DCBLD2: variants seen among roughly 807,000 people sequenced by gnomAD.
DCBLD2 encodes discoidin, CUB and LCCL domain-containing protein 2.
DCBLD2 carries 54 observed loss-of-function variants against 86.8 expected under a neutral mutation model. The observed-to-expected ratio is 0.62, with a 90% confidence interval of 0.50 to 0.78. The LOEUF (loss-of-function observed/expected upper bound fraction) is 0.78, where lower values mean the gene tolerates loss of function less well. DCBLD2 is among the 30% of genes least tolerant of loss of function. DCBLD2 has a pLI of 0.00. For synonymous variants in DCBLD2, 354 were observed against 341.3 expected, an observed-to-expected ratio of 1.04 and a Z score of -0.41; for missense variants, 908 against 954.2, an observed-to-expected ratio of 0.95 and a Z score of 0.64.
chr3:98,872,500 C>A (rs1235724740), intron 2 of DCBLD2, among the ~76,000 whole-genome samples: 1 of 152,162 alleles, frequency 6.6e-6, no homozygotes, highest in Non-Finnish European at 1.5e-5. Context: ...AAATAAACCT[C>A]TTTTCTTTAT....
chr3:98,881,675 CACAA>C lies in DCBLD2; in HGVS notation c.294_297del (p.Cys99AsnfsTer6), dbSNP rs779574202. ...CCCATCTTTACACGGATCTCCCATTCACAAACAGTGCTGTTGGGATAGGTCTGTG... is the reference window on the plus strand; with the variant it reads ...CCCATCTTTACACGGATCTCCCATTCACAGTGCTGTTGGGATAGGTCTGTG... On this transcript the variant is annotated frameshift_variant, in exon 2 of 16. Transcript: ENST00000326840. LOFTEE classifies it high-confidence loss of function. The C allele has an allele frequency of 5.6e-6, 9 of 1,613,820 alleles. No homozygotes were observed. The highest frequency in any genetic ancestry group is 7.6e-6 in the Non-Finnish European group (9 of 1,179,880).
At chr3:98,862,789 C>G (rs893600527) in intron 2 of DCBLD2, among the ~76,000 whole-genome samples, 3 of 152,178 alleles carry the variant, frequency 2.0e-5, no homozygotes, top group African/African-American at 7.2e-5. Context: ...AAACTGGAAG[C>G]ATTCCCTTTG....
intron 3 of DCBLD2, among the ~76,000 whole-genome samples, chr3:98,832,468 T>A (rs1576168933): frequency 6.6e-6 from 1 of 152,242 alleles, no homozygotes; most frequent in African/African-American, 2.4e-5. Flanking sequence ...GTGCATATGA[T>A]CCTGTCATTG....
intron 9 of DCBLD2, chr3:98,812,869 CAAAAT>C (rs1941961320): frequency 6.5e-6 from 1 of 153,084 alleles, no homozygotes; most frequent in African/African-American, 2.4e-5. Context: ...TAAAGTAAAA[CAAAAT>C]TGATCATGCC....
intron 3 of DCBLD2, among the ~76,000 whole-genome samples, chr3:98,843,427 C>A (rs1163586951): frequency 6.6e-6 from 1 of 152,102 alleles, no homozygotes; most frequent in Non-Finnish European, 1.5e-5. Flanking sequence ...TATAAAATTA[C>A]TGTACGGTTA....
chr3:98,800,841 T>C, intron 14 of DCBLD2, 125 bp from the exon 15 acceptor site: 2 of 1,370,922 alleles, frequency 1.5e-6, no homozygotes, highest in South Asian at 2.8e-5. Flanking sequence ...CAAACTTGCC[T>C]TTATAATCCA....
At chr3:98,893,295 C>G (rs1943695620) in intron 1 of DCBLD2, among the ~76,000 whole-genome samples, 1 of 151,026 alleles carries the variant, frequency 6.6e-6, no homozygotes, top group African/African-American at 2.4e-5. Flanking sequence ...AGAGTAGTAA[C>G]TGGATGTCAA....
chr3:98,836,885 C>T (rs1942471149), intron 3 of DCBLD2, among the ~76,000 whole-genome samples: 1 of 74,638 alleles, frequency 1.3e-5, no homozygotes, highest in African/African-American at 5.2e-5. Flanking sequence ...ACACCCCCAC[C>T]TCCCTCCCGG....
chr3:98,877,324 C>T (rs1205924708), intron 2 of DCBLD2, among the ~76,000 whole-genome samples: 1 of 152,148 alleles, frequency 6.6e-6, no homozygotes, highest in Non-Finnish European at 1.5e-5. Context: ...AGTATTTAGA[C>T]TCTAAGTCCT....
At chr3:98,881,496 G>A in intron 2 of DCBLD2, 44 bp downstream of exon 2, 1 of 1,469,988 alleles carries the variant, frequency 6.8e-7, no homozygotes, top group East Asian at 2.3e-5. Flanking sequence ...ACATCATTGA[G>A]ACAATGATGT....
At chr3:98,826,236 A>G (rs1942218565) in intron 3 of DCBLD2, among the ~76,000 whole-genome samples, 1 of 152,166 alleles carries the variant, frequency 6.6e-6, no homozygotes, top group Admixed American at 6.5e-5. Flanking sequence ...TAGACAGCAA[A>G]GCCTTCAACA....
intron 2 of DCBLD2, among the ~76,000 whole-genome samples, chr3:98,860,601 G>A (rs376404459): frequency 0.015 from 2,239 of 152,144 alleles, 23 homozygotes; most frequent in Non-Finnish European, 0.023. Context: ...TTTTCAACCC[G>A]GAATTTCATA....
At chr3:98,862,012 T>C (rs575049999) in intron 2 of DCBLD2, among the ~76,000 whole-genome samples, 1 of 151,934 alleles carries the variant, frequency 6.6e-6, no homozygotes, top group African/African-American at 2.4e-5. Context: ...AAGAATCAAA[T>C]AGACGCAATA....
intron 2 of DCBLD2, among the ~76,000 whole-genome samples, chr3:98,877,319 TTAGACTC>T (rs1943389715): frequency 1.3e-5 from 2 of 152,308 alleles, no homozygotes; most frequent in South Asian, 2.1e-4. Context: ...AATGTAGTAT[TTAGACTC>T]TAAGTCCTCA....
intron 14 of DCBLD2, 144 bp downstream of exon 14, chr3:98,801,456 G>C (rs943925981): frequency 3.8e-6 from 2 of 521,570 alleles, no homozygotes; most frequent in African/African-American, 3.8e-5. Flanking sequence ...GGTAAAAATG[G>C]TGAGAACTGA....
intron 1 of DCBLD2, among the ~76,000 whole-genome samples, chr3:98,894,249 C>T (rs1488210433): frequency 2.6e-5 from 4 of 152,116 alleles, no homozygotes; most frequent in East Asian, 3.9e-4. Flanking sequence ...CTCCACAATA[C>T]GTTCCAGCCT....
chr3:98,854,999 G>A (rs947964156), intron 2 of DCBLD2, among the ~76,000 whole-genome samples: 11 of 151,892 alleles, frequency 7.2e-5, no homozygotes, highest in African/African-American at 2.2e-4. Flanking sequence ...ATTAGTAAAC[G>A]CAAACTACAT....
At chr3:98,844,062 A>ACACACACACACACACAC (rs1459005169) in intron 3 of DCBLD2, among the ~76,000 whole-genome samples, 1 of 144,016 alleles carries the variant, frequency 6.9e-6, no homozygotes, top group African/African-American at 2.6e-5. Context: ...ACACACACAC[A>ACACACACACACACACAC]CCCCAATTAT....
chr3:98,850,666 G>C (rs1367312075), intron 2 of DCBLD2, among the ~76,000 whole-genome samples: 1 of 152,166 alleles, frequency 6.6e-6, no homozygotes, highest in African/African-American at 2.4e-5. Context: ...ACTTGAATAA[G>C]AGTAATGTGG....
Sources: gnomAD v4.1 joint callset for allele counts (sites outside exome capture counted in the v4.1 genomes callset) on GRCh38, gnomAD v4.1.1 for gene constraint, MANE v1.5 for transcripts, NCBI Gene and HGNC (gene_info 2026-07-23, HGNC 2026-07-21) for gene names.